ATXN7: variants seen among roughly 807,000 people sequenced by gnomAD.
ATXN7 encodes ataxin-7.
ATXN7 carries 12 observed loss-of-function variants against 70.5 expected under a neutral mutation model. The observed-to-expected ratio is 0.17, with a 90% CI of 0.11 to 0.28. ATXN7 has a LOEUF of 0.28. ATXN7 is among the 10% of genes least tolerant of loss of function. ATXN7 has a pLI of 1.00. For synonymous variants in ATXN7, 498 were observed against 448.7 expected, an observed-to-expected ratio of 1.11 and a Z score of -1.39; for missense variants, 1,256 against 1,131.7, an observed-to-expected ratio of 1.11 and a Z score of -1.58.
At chr3:63,911,486 A>G (rs199578972) in intron 2 of ATXN7, 29 of 152,314 alleles carry the variant, frequency 1.9e-4, no homozygotes, top group African/African-American at 5.8e-4. Context: ...AGAAAAGACA[A>G]CCATAAAGAG....
intron 1 of ATXN7, among the ~76,000 whole-genome samples, chr3:63,884,429 G>GTA (rs762382046): frequency 3.4e-4 from 52 of 151,988 alleles, no homozygotes; most frequent in Non-Finnish European, 6.9e-4. Context: ...AAAATATACA[G>GTA]TATATATATT....
intron 4 of ATXN7, among the ~76,000 whole-genome samples, chr3:63,934,772 C>G (rs2074627232): frequency 6.6e-6 from 1 of 152,148 alleles, no homozygotes; most frequent in South Asian, 2.1e-4. Flanking sequence ...TTGTGTCTCC[C>G]CCATAGGGCT....
At chr3:63,961,353 T>C (rs1301784179) in intron 5 of ATXN7, among the ~76,000 whole-genome samples, 1 of 152,216 alleles carries the variant, frequency 6.6e-6, no homozygotes, top group East Asian at 1.9e-4. Flanking sequence ...CTCCTGTTGA[T>C]GGACACTTAG....
intron 11 of ATXN7, 89 bp from the exon 12 acceptor site, chr3:63,995,416 T>G: frequency 6.9e-7 from 1 of 1,455,042 alleles, no homozygotes; most frequent in Non-Finnish European, 9.5e-7. Flanking sequence ...ATGGTTTCTC[T>G]TTGTCACAAG....
intron 2 of ATXN7, among the ~76,000 whole-genome samples, chr3:63,907,450 C>G (rs1267777576): frequency 6.7e-6 from 1 of 149,222 alleles, no homozygotes; most frequent in Non-Finnish European, 1.5e-5. Context: ...CTTTTCCATT[C>G]CTTGTCTTTT....
chr3:63,996,065 C>A lies in ATXN7; in HGVS notation c.2243C>A (p.Ser748Ter). ...GCTCACTCTGGGCCTCCCTACCCCT[C>A]AACGGTAACATCTTCCCATAGCATC... ...CVAHSGPPYP[S>*]TVTSSHSIGL... Residue 748 changes from serine to a stop codon, truncating the protein, a stop_gained, in exon 12 of 13, where the codon TCA becomes TAA. Transcript: ENST00000674280. LOFTEE classifies it high-confidence loss of function. 1.2e-6 allele frequency: 2 copies of A among 1,614,236 alleles called. No individual in the cohort carries two copies. Among genetic ancestry groups the A allele is most frequent in the Non-Finnish European group, 1.7e-6 (2 of 1,180,040 alleles).
intron 5 of ATXN7, among the ~76,000 whole-genome samples, chr3:63,961,069 T>C (rs901537526): frequency 6.6e-6 from 1 of 152,156 alleles, no homozygotes; most frequent in African/African-American, 2.4e-5. Flanking sequence ...AGAGGATAAG[T>C]ATGCAATCAG....
chr3:63,875,260 T>G (rs1442848695), intron 1 of ATXN7, among the ~76,000 whole-genome samples: 1 of 152,046 alleles, frequency 6.6e-6, no homozygotes, highest in African/African-American at 2.4e-5. Context: ...TTAGCTAATT[T>G]TTTGTGTTTT....
At chr3:63,913,068 C>A in intron 3 of ATXN7, 89 bp from the exon 4 acceptor site, 1 of 1,507,806 alleles carries the variant, frequency 6.6e-7, no homozygotes, top group Non-Finnish European at 9.2e-7. Flanking sequence ...CGGAGGTGCC[C>A]ACACCTACCC....
intron 1 of ATXN7, among the ~76,000 whole-genome samples, chr3:63,897,450 A>G (rs1396886522): frequency 1.3e-5 from 2 of 152,248 alleles, no homozygotes; most frequent in African/African-American, 4.8e-5. Context: ...AACATGGCAT[A>G]TAATTTCAGC....
chr3:63,914,162 A>G (rs1190814376), intron 4 of ATXN7, among the ~76,000 whole-genome samples: 1 of 152,196 alleles, frequency 6.6e-6, no homozygotes, highest in Non-Finnish European at 1.5e-5. Flanking sequence ...ATTTTGCAGA[A>G]TTGTTGTCTA....
At position 63,869,953 on chromosome 3, in the gene ATXN7, CAG is replaced by C. The variant is rs149804473; in HGVS notation, c.-111+5796_-111+5797del. On this transcript the variant is annotated intron_variant, in intron 1 of 12. Transcript: ENST00000674280. Reference sequence around the variant, plus strand: ...GGTTATATCAAAATCTTGGATATGTCAGGGGCCAAACCAACAAGCCTGCACAG... The same window carrying C: ...GGTTATATCAAAATCTTGGATATGTCGGGCCAAACCAACAAGCCTGCACAG... Among the ~76,000 whole-genome samples the C allele has an allele frequency of 2.7e-3, 412 of 152,204 alleles. 2 individuals carry two copies. Among genetic ancestry groups the C allele is most frequent in the African/African-American group, 9.4e-3 (389 of 41,522 alleles).
chr3:63,915,693 T>A (rs549534134), intron 4 of ATXN7, among the ~76,000 whole-genome samples: 2 of 152,074 alleles, frequency 1.3e-5, no homozygotes, highest in South Asian at 2.1e-4. Context: ...TTTATTTTTT[T>A]TTTTTTTTGA....
chr3:63,990,505 A>G, intron 10 of ATXN7, 131 bp downstream of exon 10: 1 of 1,273,600 alleles, frequency 7.9e-7, no homozygotes, highest in Non-Finnish European at 1.1e-6. Flanking sequence ...GAAGTTCAAA[A>G]CAGGGTGCCC....
At chr3:63,892,796 G>GC (rs1703324585) in intron 1 of ATXN7, among the ~76,000 whole-genome samples, 1 of 152,126 alleles carries the variant, frequency 6.6e-6, no homozygotes, top group African/African-American at 2.4e-5. Context: ...ACAACATTGG[G>GC]CCCTAGGGAT....
At chr3:63,915,916 C>T (rs1359040315) in intron 4 of ATXN7, among the ~76,000 whole-genome samples, 3 of 152,018 alleles carry the variant, frequency 2.0e-5, no homozygotes, top group Non-Finnish European at 4.4e-5. Context: ...AAGCTCCTGA[C>T]CTCAGGTGAT....
chr3:63,925,445 T>G (rs111474953), intron 4 of ATXN7, among the ~76,000 whole-genome samples: 83 of 152,032 alleles, frequency 5.5e-4, no homozygotes, highest in African/African-American at 1.9e-3. Context: ...GGCATTAGAT[T>G]CTCATAGGAG....
chr3:63,908,933 C>T (rs894523102), intron 2 of ATXN7, among the ~76,000 whole-genome samples: 13 of 152,154 alleles, frequency 8.5e-5, no homozygotes, highest in African/African-American at 3.1e-4. Context: ...AGTACTTCAC[C>T]TCTGACAGCC....
chr3:63,889,589 C>T (rs535533482), intron 1 of ATXN7, among the ~76,000 whole-genome samples: 3 of 152,120 alleles, frequency 2.0e-5, no homozygotes, highest in African/African-American at 4.8e-5. Flanking sequence ...TGACAAAATA[C>T]GGAGAATATT....
Sources: gnomAD v4.1 joint callset for allele counts (sites outside exome capture counted in the v4.1 genomes callset) on GRCh38, gnomAD v4.1.1 for gene constraint, MANE v1.5 for transcripts, NCBI Gene and HGNC (gene_info 2026-07-23, HGNC 2026-07-21) for gene names.